PACSIN2: variants seen among roughly 807,000 people sequenced by gnomAD.
The protein encoded by PACSIN2 is protein kinase C and casein kinase substrate in neurons 2.
Under a neutral mutation model 63.8 loss-of-function variants are expected in PACSIN2, and 25 were observed. The observed-to-expected ratio is 0.39, with a 90% CI of 0.29 to 0.55. The LOEUF (loss-of-function observed/expected upper bound fraction) is 0.55. PACSIN2 is among the 20% of genes least tolerant of loss of function. PACSIN2 has a pLI of 0.62. For missense variants in PACSIN2, 518 were observed against 646.9 expected (o/e 0.80, Z 2.16); for synonymous variants, 255 against 256.2 (o/e 1.00, Z 0.05).
At chr22:42,899,390 C>T (rs952605716) in intron 2 of PACSIN2, among the ~76,000 whole-genome samples, 26 of 152,050 alleles carry the variant, frequency 1.7e-4, no homozygotes, top group African/African-American at 7.3e-5. Context: ...CGGGTTTAAG[C>T]GATTTTCCTG....
intron 1 of PACSIN2, among the ~76,000 whole-genome samples, chr22:42,954,380 T>C (rs1427295714): frequency 6.6e-6 from 1 of 152,156 alleles, no homozygotes; most frequent in Admixed American, 6.5e-5. Flanking sequence ...ACTTAAAAAG[T>C]AGTTAGTCCA....
chr22:43,006,932 C>G (rs902695897), intron 1 of PACSIN2, among the ~76,000 whole-genome samples: 1 of 152,184 alleles, frequency 6.6e-6, no homozygotes, highest in African/African-American at 2.4e-5. Flanking sequence ...TCGAAAAGCC[C>G]TTCTCATTAG....
At chr22:42,889,977 A>C (rs111865712) in intron 4 of PACSIN2, among the ~76,000 whole-genome samples, 3,335 of 151,754 alleles carry the variant, frequency 0.022, 117 homozygotes, top group African/African-American at 0.078. Context: ...AAGAAAGGCT[A>C]CTGCACACGC....
chr22:42,951,965 C>T (rs1249151301), intron 1 of PACSIN2, among the ~76,000 whole-genome samples: 1 of 152,218 alleles, frequency 6.6e-6, no homozygotes, highest in Admixed American at 6.5e-5. Context: ...ACCTGCCTCC[C>T]ACATCTGTAG....
chr22:42,970,968 C>T (rs1921213777), intron 1 of PACSIN2, among the ~76,000 whole-genome samples: 1 of 152,200 alleles, frequency 6.6e-6, no homozygotes, highest in African/African-American at 2.4e-5. Context: ...TCTCCACAGC[C>T]CTCTCTGCTA....
At chr22:43,008,997 C>G (rs1381947176) in intron 1 of PACSIN2, among the ~76,000 whole-genome samples, 1 of 109,366 alleles carries the variant, frequency 9.1e-6, no homozygotes, top group African/African-American at 3.8e-5. Flanking sequence ...AATAAGTAGC[C>G]TTTTCACATA....
intron 1 of PACSIN2, among the ~76,000 whole-genome samples, chr22:43,005,807 C>T (rs1008284932): frequency 3.9e-5 from 6 of 152,228 alleles, no homozygotes; most frequent in African/African-American, 1.4e-4. Context: ...GAAGGGCTCT[C>T]AGTATCCTGG....
intron 1 of PACSIN2, among the ~76,000 whole-genome samples, chr22:42,947,713 C>A (rs1473715657): frequency 6.6e-6 from 1 of 152,040 alleles, no homozygotes; most frequent in African/African-American, 2.4e-5. Flanking sequence ...CTGCCTCAGG[C>A]AAAATACCTA....
At chr22:42,986,852 C>G (rs1013557925) in intron 1 of PACSIN2, among the ~76,000 whole-genome samples, 1 of 152,156 alleles carries the variant, frequency 6.6e-6, no homozygotes, top group Non-Finnish European at 1.5e-5. Context: ...AAAACCTTCC[C>G]GAAACCTAGA....
rs369519345 is a variant in PACSIN2, at chr22:42,893,594, G to C, written c.80C>G (p.Thr27Ser). 4 of 1,614,070 alleles carry C rather than the reference G, an allele frequency of 2.5e-6. No individual in the cohort carries two copies. In the South Asian group the frequency reaches 4.4e-5, roughly 18 times the overall value. ...GTGGCCATCGTCGATCCGCTTCACA[G>C]TCCGCTTGTAGTTCCCGACCTAGGA... ...SFWEVGNYKRTVKRIDDGHRL... is the reference protein window; with the variant it reads ...SFWEVGNYKRSVKRIDDGHRL... Residue 27 changes from threonine (T) to serine (S), a missense_variant, in exon 3 of 11, where the codon ACT becomes AGT. Coordinates refer to ENST00000263246, the MANE Select transcript of PACSIN2 (RefSeq NM_001184970.3).
At chr22:42,977,598 G>T (rs958212385) in intron 1 of PACSIN2, among the ~76,000 whole-genome samples, 26 of 152,212 alleles carry the variant, frequency 1.7e-4, no homozygotes, top group Non-Finnish European at 2.2e-4. Flanking sequence ...AGTAAAAGGG[G>T]TTGATATGGT....
chr22:42,962,465 C>G (rs1195771259), intron 1 of PACSIN2, among the ~76,000 whole-genome samples: 1 of 152,112 alleles, frequency 6.6e-6, no homozygotes, highest in Non-Finnish European at 1.5e-5. Flanking sequence ...CACTGCCCCT[C>G]CAACTTGACT....
At position 42,888,778 on chromosome 22, in the gene PACSIN2, G is replaced by A; in HGVS notation, c.474C>T (p.Ala158=). The A allele has an allele frequency of 6.2e-7, 1 of 1,614,136 alleles. No individual in the cohort carries two copies. The highest frequency in any genetic ancestry group is 8.5e-7 in the Non-Finnish European group (1 of 1,180,020). The change falls in exon 5 of 11, where the codon GCC becomes GCT. Residue 158 remains alanine (A), a synonymous_variant. Coordinates refer to ENST00000263246, the MANE Select transcript of PACSIN2 (RefSeq NM_001184970.3). ...KLKEVEAAKK[A]HHAACKEEKL... is the part of the protein sequence containing the mutation. ...TCTCCTCTTTGCACGCTGCATGGTG[G>A]GCTTTCTTTGCTGCTTCTACCTACA... is the stretch of plus-strand genomic sequence containing the variant.
At chr22:42,931,833 G>GA (rs1327278506) in intron 1 of PACSIN2, among the ~76,000 whole-genome samples, 1 of 152,074 alleles carries the variant, frequency 6.6e-6, no homozygotes, top group Non-Finnish European at 1.5e-5. Flanking sequence ...AAACAGCCCA[G>GA]AAAATGTCAC....
At chr22:42,902,640 T>G (rs2267464) in intron 2 of PACSIN2, among the ~76,000 whole-genome samples, 97,738 of 151,924 alleles carry the variant, frequency 0.64, 33,018 homozygotes, top group African/African-American at 0.84. Context: ...TCGCTCTGTC[T>G]TCCAGGCTGG....
chr22:42,973,343 A>T (rs4822241), intron 1 of PACSIN2, among the ~76,000 whole-genome samples: 91,517 of 152,044 alleles, frequency 0.6, 28,067 homozygotes, highest in East Asian at 0.75. Context: ...CATTATTTCC[A>T]CTTGCTCAGG....
At chr22:42,948,477 A>G (rs947299582) in intron 1 of PACSIN2, among the ~76,000 whole-genome samples, 1 of 152,216 alleles carries the variant, frequency 6.6e-6, no homozygotes, top group Non-Finnish European at 1.5e-5. Context: ...GAAGTTTAAA[A>G]AGCCACACGA....
rs1922878238 is a variant in PACSIN2 at position 42,989,687 on chromosome 22, A to G, written c.-78+25334T>C. ...GTGGTGGGTGCCTGTAGTCCCAGCT[A>G]CTTGGGAGGCTGAGGTAGGAGAATC... On this transcript the variant is annotated intron_variant, in intron 1 of 10. Transcript: ENST00000263246. Among the ~76,000 whole-genome samples, 4 of 151,996 alleles carry G rather than the reference A, an allele frequency of 2.6e-5. No individual in the cohort carries two copies. In the South Asian group the frequency reaches 8.3e-4, roughly 32 times the overall value.
chr22:42,882,089 C>T, intron 7 of PACSIN2, 95 bp downstream of exon 7: 2 of 1,424,258 alleles, frequency 1.4e-6, no homozygotes, highest in East Asian at 2.3e-5. Context: ...CAAACACTAA[C>T]ATAGAGTCTA....
Sources: gnomAD v4.1 joint callset for allele counts (sites outside exome capture counted in the v4.1 genomes callset) on GRCh38, gnomAD v4.1.1 for gene constraint, MANE v1.5 for transcripts, NCBI Gene and HGNC (gene_info 2026-07-23, HGNC 2026-07-21) for gene names.